The following WDR27 variants were observed in gnomAD, a reference collection of about 807,000 sequenced individuals.
WDR27 encodes the protein WD repeat-containing protein 27.
WDR27 carries 100 observed loss-of-function variants against 114.4 expected under a neutral mutation model. The observed-to-expected ratio is 0.87, with a 90% CI of 0.74 to 1.03. The LOEUF (loss-of-function observed/expected upper bound fraction) is 1.03, where lower values mean the gene tolerates loss of function less well. Ranked by LOEUF, WDR27 falls within the 50% of genes least tolerant of loss-of-function variation. The pLI is 0.00. For synonymous variants in WDR27, 449 were observed against 423.1 expected (o/e 1.06, Z -0.75); for missense variants, 1,129 against 1,092.9 (o/e 1.03, Z -0.47).
At chr6:169,445,295 C>T in the WDR27 span, among the ~76,000 whole-genome samples, 1 of 152,126 alleles carries the variant, frequency 6.6e-6, no homozygotes, top group South Asian at 2.1e-4. Flanking sequence ...ACGGGGAGTC[C>T]TCTGTGCTGC....
At chr6:169,436,401 T>C in the WDR27 span, among the ~76,000 whole-genome samples, 2 of 152,130 alleles carry the variant, frequency 1.3e-5, no homozygotes, top group African/African-American at 4.8e-5. Flanking sequence ...ATGTAACTTA[T>C]TGACAAATAA....
At chr6:169,495,360 T>A (rs1790266956) in intron 25 of WDR27, among the ~76,000 whole-genome samples, 1 of 151,828 alleles carries the variant, frequency 6.6e-6, no homozygotes, top group Non-Finnish European at 1.5e-5. Context: ...GATTCTTAGA[T>A]CAACAACCTA....
At chr6:169,651,178 C>CGGGGGGGGGGGGGGGGGGG (rs200606067) in intron 14 of WDR27, among the ~76,000 whole-genome samples, 1 of 3,394 alleles carries the variant, frequency 2.9e-4, no homozygotes, top group African/African-American at 2.1e-3. Context: ...CACAGCAGTG[C>CGGGGGGGGGGGGGGGGGGG]GGGGCGGGGG....
chr6:169,555,093 A>G (rs1167182615), intron 25 of WDR27, among the ~76,000 whole-genome samples: 3 of 152,192 alleles, frequency 2.0e-5, no homozygotes, highest in Non-Finnish European at 4.4e-5. Context: ...AAAAATGAAA[A>G]ACTATTCTTC....
intron 25 of WDR27, among the ~76,000 whole-genome samples, chr6:169,562,336 AAG>A (rs1224440387): frequency 6.6e-6 from 1 of 152,234 alleles, no homozygotes; most frequent in Non-Finnish European, 1.5e-5. Context: ...GGAAATCAAT[AAG>A]AGTTGAAGAA....
At chr6:169,577,307 G>A (rs1802536613) in intron 24 of WDR27, among the ~76,000 whole-genome samples, 1 of 152,172 alleles carries the variant, frequency 6.6e-6, no homozygotes. Context: ...CCGCGCCGAG[G>A]AGGGGGCGTC....
chr6:169,507,799 T>C (rs543946783), intron 25 of WDR27, among the ~76,000 whole-genome samples: 2 of 152,284 alleles, frequency 1.3e-5, no homozygotes, highest in South Asian at 4.1e-4. Flanking sequence ...CTTGAGTACA[T>C]ATTGTCTGTG....
chr6:169,649,991 C>T (rs535020079), intron 14 of WDR27, among the ~76,000 whole-genome samples: 98 of 144,000 alleles, frequency 6.8e-4, no homozygotes, highest in African/African-American at 2.4e-3. Context: ...ATCTCTCATC[C>T]CTCCATCCCT....
intron 21 of WDR27, 78 bp downstream of exon 21, chr6:169,632,869 C>T (rs1816752265): frequency 7.6e-7 from 1 of 1,310,664 alleles, no homozygotes; most frequent in South Asian, 2.2e-5. Context: ...TATAAAATGG[C>T]ATCATACATT....
chr6:169,495,365 A>G (rs1317336682), intron 25 of WDR27, among the ~76,000 whole-genome samples: 1 of 152,152 alleles, frequency 6.6e-6, no homozygotes, highest in African/African-American at 2.4e-5. Context: ...TTAGATCAAC[A>G]ACCTAACTTT....
intron 7 of WDR27, chr6:169,664,549 C>T (rs1365910090): frequency 1.5e-6 from 2 of 1,329,582 alleles, no homozygotes; most frequent in Non-Finnish European, 1.9e-6. Context: ...CAGGCCTCCC[C>T]AAGATGCTCC....
At chr6:169,433,762 G>A in the WDR27 span, among the ~76,000 whole-genome samples, 8 of 152,124 alleles carry the variant, frequency 5.3e-5, no homozygotes, top group Non-Finnish European at 8.8e-5. Context: ...GTTGTTCCCC[G>A]ACTTTTTAAT....
chr6:169,618,285 T>C (rs1268241562), intron 21 of WDR27, among the ~76,000 whole-genome samples: 3 of 152,200 alleles, frequency 2.0e-5, no homozygotes, highest in African/African-American at 7.2e-5. Context: ...CTGTCTAGTA[T>C]TATGTATTTA....
At chr6:169,442,903 T>C in the WDR27 span, among the ~76,000 whole-genome samples, 141 of 152,362 alleles carry the variant, frequency 9.3e-4, no homozygotes, top group Non-Finnish European at 1.8e-3. Context: ...CTATTAAGCA[T>C]GCCACAGTTA....
At chr6:169,471,360 G>GA (rs1255104221) in intron 25 of WDR27, among the ~76,000 whole-genome samples, 1 of 151,992 alleles carries the variant, frequency 6.6e-6, no homozygotes, top group Non-Finnish European at 1.5e-5. Flanking sequence ...AATTACAAAA[G>GA]AATTGGGAAA....
chr6:169,608,919 T>C (rs1809870762), intron 22 of WDR27, among the ~76,000 whole-genome samples: 1 of 152,174 alleles, frequency 6.6e-6, no homozygotes, highest in Non-Finnish European at 1.5e-5. Context: ...GTACAGGCAT[T>C]GGGTAAATAC....
At chr6:169,470,359 C>T (rs1006121188) in intron 25 of WDR27, among the ~76,000 whole-genome samples, 1 of 152,248 alleles carries the variant, frequency 6.6e-6, no homozygotes, top group Non-Finnish European at 1.5e-5. Context: ...CTCCCCCAGA[C>T]TCTATCCATC....
the WDR27 span, among the ~76,000 whole-genome samples, chr6:169,434,949 C>T: frequency 6.6e-6 from 1 of 152,244 alleles, no homozygotes; most frequent in Non-Finnish European, 1.5e-5. Flanking sequence ...CCTTCTATCA[C>T]AAGCCCAGAG....
At chr6:169,510,272 C>T (rs539305774) in intron 25 of WDR27, among the ~76,000 whole-genome samples, 1 of 152,164 alleles carries the variant, frequency 6.6e-6, no homozygotes, top group African/African-American at 2.4e-5. Flanking sequence ...TCAGCCATCC[C>T]ATTACTGGGT....
Sources: gnomAD v4.1 joint callset for allele counts (sites outside exome capture counted in the v4.1 genomes callset) on GRCh38, gnomAD v4.1.1 for gene constraint, MANE v1.5 for transcripts, NCBI Gene and HGNC (gene_info 2026-07-23, HGNC 2026-07-21) for gene names.